FHIT: variants seen among roughly 807,000 people sequenced by gnomAD.
FHIT encodes the protein bis(5'-adenosyl)-triphosphatase.
A neutral mutation model predicts 17.9 loss-of-function variants in FHIT; 19 were observed. The observed-to-expected ratio is 1.06, with a 90% CI of 0.74 to 1.56. The LOEUF is 1.56. FHIT is among the 40% of genes most tolerant of loss of function. FHIT has a pLI of 0.00. For synonymous variants in FHIT, 81 were observed against 69.7 expected, an observed-to-expected ratio of 1.16 and a Z score of -0.81; for missense variants, 248 against 189.2, an observed-to-expected ratio of 1.31 and a Z score of -1.82.
intron 5 of FHIT, among the ~76,000 whole-genome samples, chr3:60,249,882 G>C (rs1287798806): frequency 1.3e-5 from 2 of 152,070 alleles, no homozygotes; most frequent in African/African-American, 2.4e-5. Context: ...GGTGAATCAA[G>C]AGCAAAGTCA....
chr3:60,452,451 G>A (rs1241273907), intron 5 of FHIT, among the ~76,000 whole-genome samples: 1 of 151,984 alleles, frequency 6.6e-6, no homozygotes, highest in African/African-American at 2.4e-5. Flanking sequence ...TATTAAGAAA[G>A]GATTCAACAT....
At chr3:60,282,037 C>A (rs901517847) in intron 5 of FHIT, among the ~76,000 whole-genome samples, 3 of 152,094 alleles carry the variant, frequency 2.0e-5, no homozygotes, top group Non-Finnish European at 4.4e-5. Context: ...GTGATGGGAA[C>A]GTTCATGCAT....
At chr3:59,986,532 T>TAA (rs1219101044) in intron 7 of FHIT, among the ~76,000 whole-genome samples, 22 of 11,924 alleles carry the variant, frequency 1.8e-3, no homozygotes, top group African/African-American at 5.9e-3. Context: ...TATATATATA[T>TAA]ATATATATAC....
intron 5 of FHIT, among the ~76,000 whole-genome samples, chr3:60,077,185 G>A (rs192686482): frequency 4.6e-5 from 7 of 151,992 alleles, no homozygotes; most frequent in African/African-American, 1.7e-4. Context: ...AGCCTAAGGA[G>A]GACTTATTAC....
At chr3:61,127,747 G>A (rs2036651015) in intron 2 of FHIT, among the ~76,000 whole-genome samples, 1 of 152,002 alleles carries the variant, frequency 6.6e-6, no homozygotes, top group Admixed American at 6.6e-5. Context: ...GGTGTGGCCT[G>A]TAATCCCAGA....
chr3:61,156,570 G>A (rs2037540041), intron 2 of FHIT, among the ~76,000 whole-genome samples: 1 of 151,784 alleles, frequency 6.6e-6, no homozygotes, highest in Admixed American at 6.6e-5. Flanking sequence ...GGTACACATG[G>A]TATACATTTA....
intron 5 of FHIT, among the ~76,000 whole-genome samples, chr3:60,325,255 T>A (rs914604575): frequency 5.3e-5 from 8 of 152,202 alleles, no homozygotes; most frequent in African/African-American, 1.9e-4. Flanking sequence ...AGAGGGTTTT[T>A]AAAATGCCAA....
rs1553745842 is a variant in FHIT, at chr3:60,844,311, A to T, written c.-110-22300T>A. On this transcript the variant is annotated intron_variant, in intron 3 of 9. Coordinates refer to ENST00000492590, the MANE Select transcript of FHIT (RefSeq NM_002012.4). ...ATAAATCATGTATATCAACAAGAGG[A>T]ATGAAGGCATTTTGTGCAATCCTGG... Among the ~76,000 whole-genome samples the T allele has an allele frequency of 2.6e-5, 4 of 152,230 alleles. No individual in the cohort carries two copies. In the East Asian group the frequency reaches 7.7e-4, roughly 29 times the overall value.
chr3:60,518,136 CAT>C (rs1417624204), intron 5 of FHIT, among the ~76,000 whole-genome samples: 2 of 152,096 alleles, frequency 1.3e-5, no homozygotes, highest in Non-Finnish European at 2.9e-5. Context: ...AGGAAAAACT[CAT>C]AAATGACCAA....
At chr3:60,907,766 T>C (rs1343257328) in intron 3 of FHIT, among the ~76,000 whole-genome samples, 4 of 152,178 alleles carry the variant, frequency 2.6e-5, no homozygotes, top group African/African-American at 9.6e-5. Context: ...GGATAGACTG[T>C]ACAAAAATTA....
chr3:60,494,474 C>T (rs1037981591), intron 5 of FHIT, among the ~76,000 whole-genome samples: 2 of 142,108 alleles, frequency 1.4e-5, no homozygotes, highest in Non-Finnish European at 2.9e-5. Flanking sequence ...TACAAACAAT[C>T]AAATTATACT....
At chr3:60,234,036 T>C (rs971907190) in intron 5 of FHIT, among the ~76,000 whole-genome samples, 8 of 152,154 alleles carry the variant, frequency 5.3e-5, no homozygotes, top group African/African-American at 1.9e-4. Flanking sequence ...ATTATCAATA[T>C]ACTCCCCATA....
At chr3:60,839,235 C>CTGA (rs2106853595) in intron 3 of FHIT, among the ~76,000 whole-genome samples, 1 of 152,200 alleles carries the variant, frequency 6.6e-6, no homozygotes, top group South Asian at 2.1e-4. Flanking sequence ...GTAGCTTTTC[C>CTGA]ATGAATTATT....
At chr3:60,175,899 A>G (rs1701647911) in intron 5 of FHIT, among the ~76,000 whole-genome samples, 1 of 152,174 alleles carries the variant, frequency 6.6e-6, no homozygotes, top group African/African-American at 2.4e-5. Context: ...AGCACACTCT[A>G]ATAGAACTTC....
chr3:59,960,711 G>C (rs1249018860), intron 7 of FHIT, among the ~76,000 whole-genome samples: 3 of 152,164 alleles, frequency 2.0e-5, no homozygotes, highest in African/African-American at 7.2e-5. Flanking sequence ...CTTTTGTTAT[G>C]AGCATCTGCA....
At chr3:59,805,432 CCT>C (rs1303406442) in intron 8 of FHIT, among the ~76,000 whole-genome samples, 2 of 152,200 alleles carry the variant, frequency 1.3e-5, no homozygotes, top group South Asian at 2.1e-4. Context: ...CTGTTCGCTC[CCT>C]GTTTGTCCTT....
intron 4 of FHIT, among the ~76,000 whole-genome samples, chr3:60,758,667 A>G (rs573670961): frequency 1.6e-4 from 24 of 152,300 alleles, no homozygotes; most frequent in Non-Finnish European, 2.9e-4. Context: ...ATTTAGATGT[A>G]CATTTCTCAT....
chr3:59,857,129 T>A (rs1702191672), intron 8 of FHIT, among the ~76,000 whole-genome samples: 1 of 152,222 alleles, frequency 6.6e-6, no homozygotes, highest in Non-Finnish European at 1.5e-5. Context: ...CTGGAGTTCC[T>A]TCCACAAGGC....
At chr3:60,309,314 T>A (rs149093339) in intron 5 of FHIT, among the ~76,000 whole-genome samples, 5 of 152,086 alleles carry the variant, frequency 3.3e-5, no homozygotes, top group Middle Eastern at 3.4e-3. Context: ...GGTTAGAGGC[T>A]CTGGGAGGAC....
Sources: allele counts gnomAD v4.1 joint callset (sites outside exome capture counted in the v4.1 genomes callset), GRCh38; gene constraint gnomAD v4.1.1; transcripts MANE v1.5; gene names NCBI Gene and HGNC (gene_info 2026-07-23, HGNC 2026-07-21).